Variants in TLN2 observed in about 807,000 individuals in gnomAD.
TLN2 encodes talin-2.
In TLN2, 118 loss-of-function variants were observed where a neutral mutation model predicts 294.7. The observed-to-expected ratio is 0.40, with a 90% CI of 0.34 to 0.47. TLN2 has a LOEUF of 0.47. Among genes scored for constraint, TLN2 ranks in the 20% least tolerant of loss-of-function variants. TLN2 has a pLI of 0.84. For synonymous variants in TLN2, 1,431 were observed against 1,304.5 expected, an observed-to-expected ratio of 1.10 and a Z score of -2.09; for missense variants, 3,083 against 3,282.2, an observed-to-expected ratio of 0.94 and a Z score of 1.48.
chr15:62,709,314 G>A (rs371934065), intron 21 of TLN2, among the ~76,000 whole-genome samples: 1 of 152,274 alleles, frequency 6.6e-6, no homozygotes, highest in East Asian at 1.9e-4. Flanking sequence ...ATTTAGGATT[G>A]GCTAGTTTAA....
At chr15:62,692,467 C>T (rs1402751003) in intron 12 of TLN2, among the ~76,000 whole-genome samples, 1 of 152,184 alleles carries the variant, frequency 6.6e-6, no homozygotes, top group African/African-American at 2.4e-5. Context: ...ATTAGTCTCT[C>T]TTGGGCTCCC....
chr15:62,689,163 T>G, intron 12 of TLN2, among the ~76,000 whole-genome samples: 1 of 151,872 alleles, frequency 6.6e-6, no homozygotes, highest in East Asian at 1.9e-4. Flanking sequence ...TATCACTTTG[T>G]GTAGTGTTCT....
At chr15:62,531,625 T>C (rs2041047531) in intron 1 of TLN2, among the ~76,000 whole-genome samples, 1 of 152,238 alleles carries the variant, frequency 6.6e-6, no homozygotes, top group South Asian at 2.1e-4. Flanking sequence ...TATTCCACAT[T>C]GTGTTCATGA....
chr15:62,403,494 A>T (rs771172288), intron 1 of TLN2, among the ~76,000 whole-genome samples: 31 of 152,126 alleles, frequency 2.0e-4, no homozygotes, highest in Non-Finnish European at 4.3e-4. Flanking sequence ...TGGCCTCCCG[A>T]AGTGTTGGGA....
chr15:62,505,485 C>G (rs1364907617), intron 1 of TLN2, among the ~76,000 whole-genome samples: 2 of 152,178 alleles, frequency 1.3e-5, no homozygotes, highest in Non-Finnish European at 1.5e-5. Flanking sequence ...CAGTGTTCTT[C>G]CAGAGTTCCT....
intron 9 of TLN2, among the ~76,000 whole-genome samples, chr15:62,666,598 C>A (rs954135238): frequency 2.0e-5 from 3 of 152,096 alleles, no homozygotes; most frequent in African/African-American, 7.2e-5. Flanking sequence ...CGGTCATTAC[C>A]CAGTCTGTGG....
intron 51 of TLN2, among the ~76,000 whole-genome samples, chr15:62,807,064 G>A (rs1404426707): frequency 6.6e-6 from 1 of 151,858 alleles, no homozygotes. Flanking sequence ...AGGGTGTGTT[G>A]GAAAAGACAG....
chr15:62,694,129 G>T (rs1331908662), intron 13 of TLN2, among the ~76,000 whole-genome samples, 187 bp from the exon 14 acceptor site: 4 of 151,912 alleles, frequency 2.6e-5, no homozygotes, highest in African/African-American at 9.7e-5. Flanking sequence ...CACCATGCCA[G>T]GCTGATTTAT....
intron 43 of TLN2, 133 bp from the exon 44 acceptor site, chr15:62,781,007 G>A: frequency 1.5e-6 from 1 of 648,680 alleles, no homozygotes. Context: ...CACAAGTTGG[G>A]TAATTGAGTT....
At chr15:62,581,798 C>A (rs1383418709) in intron 1 of TLN2, among the ~76,000 whole-genome samples, 1 of 152,054 alleles carries the variant, frequency 6.6e-6, no homozygotes, top group Admixed American at 6.6e-5. Flanking sequence ...AATCCCAGCA[C>A]TTTGGGAGGC....
intron 5 of TLN2, 53 bp from the exon 6 acceptor site, chr15:62,651,952 T>A (rs2052639494): frequency 6.7e-7 from 1 of 1,493,956 alleles, no homozygotes; most frequent in Non-Finnish European, 9.0e-7. Flanking sequence ...TGTTCAAGTT[T>A]GTTATTTATT....
intron 27 of TLN2, among the ~76,000 whole-genome samples, chr15:62,725,732 C>T (rs1240681194): frequency 6.6e-6 from 1 of 152,172 alleles, no homozygotes; most frequent in African/African-American, 2.4e-5. Context: ...TTATTAACCC[C>T]GTTTACAGAT....
intron 3 of TLN2, among the ~76,000 whole-genome samples, chr15:62,620,697 G>T (rs1372669295): frequency 6.6e-6 from 1 of 151,644 alleles, no homozygotes; most frequent in Non-Finnish European, 1.5e-5. Flanking sequence ...GCCCAGGTTG[G>T]TCTCAAACTC....
At chr15:62,504,366 A>G (rs1265443703) in intron 1 of TLN2, among the ~76,000 whole-genome samples, 1 of 152,242 alleles carries the variant, frequency 6.6e-6, no homozygotes, top group African/African-American at 2.4e-5. Context: ...GGCTCAGAGT[A>G]GCCAAGTTAG....
intron 3 of TLN2, chr15:62,638,618 C>T (rs1567234225): frequency 2.2e-6 from 1 of 455,852 alleles, no homozygotes; most frequent in Non-Finnish European, 4.4e-6. Flanking sequence ...AGTTTCTTCA[C>T]CTGAAAATGG....
At chr15:62,741,475 A>AG (rs1257370643) in intron 32 of TLN2, among the ~76,000 whole-genome samples, 1 of 152,174 alleles carries the variant, frequency 6.6e-6, no homozygotes, top group Non-Finnish European at 1.5e-5. Context: ...GTGACAGCCC[A>AG]GGGGGTTCTC....
At chr15:62,562,951 C>G (rs975092410) in intron 1 of TLN2, among the ~76,000 whole-genome samples, 1 of 144,352 alleles carries the variant, frequency 6.9e-6, no homozygotes, top group African/African-American at 2.6e-5. Flanking sequence ...CACACACACA[C>G]ACACACACAC....
chr15:62,569,114 C>A (rs750620378), intron 1 of TLN2, among the ~76,000 whole-genome samples: 1 of 152,214 alleles, frequency 6.6e-6, no homozygotes, highest in Non-Finnish European at 1.5e-5. Flanking sequence ...TGTCTTCATA[C>A]AGTCTGCCTG....
chr15:62,593,196 G>A (rs369052459), intron 2 of TLN2, among the ~76,000 whole-genome samples: 1 of 152,100 alleles, frequency 6.6e-6, no homozygotes, highest in East Asian at 1.9e-4. Context: ...AATGTAACCT[G>A]TTATGCACTT....
Sources: allele counts gnomAD v4.1 joint callset (sites outside exome capture counted in the v4.1 genomes callset), GRCh38; gene constraint gnomAD v4.1.1; transcripts MANE v1.5; gene names NCBI Gene and HGNC (gene_info 2026-07-23, HGNC 2026-07-21).